The following PCDH15 variants were observed in gnomAD, a reference collection of about 807,000 sequenced individuals.
PCDH15 encodes protocadherin related 15.
Under a neutral mutation model 178.5 loss-of-function variants are expected in PCDH15, and 129 were observed. That is an observed-to-expected ratio of 0.72 (90% CI 0.63 to 0.84). The LOEUF is 0.84. Ranked by LOEUF, PCDH15 falls within the 40% of genes least tolerant of loss-of-function variation. The pLI, the probability that PCDH15 is intolerant of heterozygous loss-of-function variation, is 0.00. For missense variants in PCDH15, 2,230 were observed against 2,099.9 expected (o/e 1.06, Z -1.21); for synonymous variants, 800 against 732.0 (o/e 1.09, Z -1.50).
At chr10:53,825,616 A>AAGTT (rs953286378) in intron 32 of PCDH15, among the ~76,000 whole-genome samples, 1 of 151,592 alleles carries the variant, frequency 6.6e-6, no homozygotes, top group African/African-American at 2.4e-5. Context: ...CATTCATAGG[A>AAGTT]AGTTATCATA....
At chr10:55,299,010 T>C (rs1488669766) in intron 1 of PCDH15, among the ~76,000 whole-genome samples, 3 of 152,220 alleles carry the variant, frequency 2.0e-5, no homozygotes, top group Admixed American at 2.0e-4. Context: ...TGCAATGAGA[T>C]GGCTACTTAC....
At chr10:54,446,709 C>A (rs1386912987) in intron 3 of PCDH15, among the ~76,000 whole-genome samples, 1 of 151,310 alleles carries the variant, frequency 6.6e-6, no homozygotes, top group Non-Finnish European at 1.5e-5. Flanking sequence ...TGTAATTGGG[C>A]CCCTTGAGAT....
chr10:53,982,074 C>T (rs1373677584), intron 21 of PCDH15, among the ~76,000 whole-genome samples: 1 of 152,144 alleles, frequency 6.6e-6, no homozygotes, highest in Non-Finnish European at 1.5e-5. Flanking sequence ...AAAAAATGCT[C>T]ATCATCACTG....
rs2048223690 is a variant in PCDH15, at chr10:54,183,680, T to A, written c.1441-87A>T. On this transcript the variant is annotated intron_variant, in intron 12 of 37. Coordinates refer to ENST00000644397, the MANE Select transcript of PCDH15 (RefSeq NM_001384140.1). ...TGCTCTTACAGTTTAACAAGTTTCT[T>A]ACAGGTAATCTTACAATTTGAAAGG... 2.0e-6 allele frequency: 3 copies of A among 1,488,280 alleles called. No individual in the cohort carries two copies. The African/African-American group carries it at 4.1e-5, about 21-fold the overall frequency. The allele number at this position is 1,488,280 out of a possible 1,614,324, so 92.2% of individuals were successfully genotyped here. A position where few individuals can be genotyped will look rare whatever the true frequency, so the allele number is the denominator to read the frequency against.
chr10:54,988,510 G>C (rs1174938268), intron 2 of PCDH15, among the ~76,000 whole-genome samples: 1 of 152,172 alleles, frequency 6.6e-6, no homozygotes, highest in African/African-American at 2.4e-5. Context: ...CCCAGGCTGA[G>C]GTGGTCTCAG....
chr10:54,907,158 G>C (rs1395902105), intron 2 of PCDH15, among the ~76,000 whole-genome samples: 1 of 152,050 alleles, frequency 6.6e-6, no homozygotes, highest in African/African-American at 2.4e-5. Context: ...TAATTCAAAT[G>C]TATATATTTC....
chr10:54,917,656 C>A (rs1837375952), intron 2 of PCDH15, among the ~76,000 whole-genome samples: 1 of 152,074 alleles, frequency 6.6e-6, no homozygotes. Context: ...ACCAAGCCTG[C>A]CTCTAAAGAA....
intron 2 of PCDH15, among the ~76,000 whole-genome samples, chr10:54,559,939 T>C (rs1348615769): frequency 1.3e-5 from 2 of 151,784 alleles, no homozygotes; most frequent in Non-Finnish European, 2.9e-5. Flanking sequence ...GCAGTTTTGT[T>C]ACTCTACACA....
chr10:54,142,020 A>G (rs1390247225), intron 14 of PCDH15, among the ~76,000 whole-genome samples: 1 of 147,864 alleles, frequency 6.8e-6, no homozygotes, highest in African/African-American at 2.6e-5. Context: ...TCAATAATGG[A>G]AAAAAAAACA....
At chr10:54,721,902 C>T (rs764184737) in intron 1 of PCDH15, among the ~76,000 whole-genome samples, 4 of 151,714 alleles carry the variant, frequency 2.6e-5, no homozygotes, top group African/African-American at 7.2e-5. Context: ...CAAAATCGAG[C>T]GAGGCGACAA....
At chr10:54,689,010 C>G (rs1021829239) in intron 1 of PCDH15, among the ~76,000 whole-genome samples, 8 of 151,978 alleles carry the variant, frequency 5.3e-5, no homozygotes, top group Admixed American at 1.3e-4. Context: ...AATTCCAATG[C>G]TCAAAAAGTA....
chr10:53,863,469 T>C (rs11003889), intron 27 of PCDH15, among the ~76,000 whole-genome samples: 28,344 of 151,984 alleles, frequency 0.19, 3,093 homozygotes, highest in Non-Finnish European at 0.26. Flanking sequence ...ATGGAAGTCA[T>C]TGGTAGCATC....
intron 1 of PCDH15, among the ~76,000 whole-genome samples, chr10:54,798,065 T>C (rs1339592835): frequency 6.6e-6 from 1 of 152,064 alleles, no homozygotes; most frequent in Non-Finnish European, 1.5e-5. Flanking sequence ...CATTTCAACC[T>C]AAGTGCTTCC....
At chr10:55,423,073 G>A (rs1416792943) in intron 2 of PCDH15, among the ~76,000 whole-genome samples, 1 of 151,680 alleles carries the variant, frequency 6.6e-6, no homozygotes, top group Non-Finnish European at 1.5e-5. Flanking sequence ...GCAGCAACCT[G>A]GACTTACTCA....
chr10:55,494,972 A>T (rs1345902932), intron 2 of PCDH15, among the ~76,000 whole-genome samples: 1 of 151,796 alleles, frequency 6.6e-6, no homozygotes, highest in Non-Finnish European at 1.5e-5. Flanking sequence ...AAGCCTTAGT[A>T]TTTATGGTAA....
intron 2 of PCDH15, among the ~76,000 whole-genome samples, chr10:55,467,798 T>G (rs1839863725): frequency 6.6e-6 from 1 of 151,086 alleles, no homozygotes; most frequent in South Asian, 2.1e-4. Context: ...ACCCCGTCTC[T>G]ACTAAAAATA....
chr10:54,346,358 T>C lies in PCDH15; in HGVS notation c.594+7A>G. ...GAAAATTACATTGCAAATAGGTATTTACATACCGGATCATCTGGATTATAC... is the reference window on the plus strand; with the variant it reads ...GAAAATTACATTGCAAATAGGTATTCACATACCGGATCATCTGGATTATAC... On this transcript the variant is annotated splice_region_variant and intron_variant, in intron 6 of 37. Coordinates refer to ENST00000644397, the MANE Select transcript of PCDH15 (RefSeq NM_001384140.1). 6.2e-7 allele frequency: 1 copy of C among 1,612,520 alleles called. No homozygotes were observed. Among genetic ancestry groups the C allele is most frequent in the Non-Finnish European group, 8.5e-7 (1 of 1,178,842 alleles).
At chr10:54,770,615 C>T (rs990078020) in intron 1 of PCDH15, among the ~76,000 whole-genome samples, 9 of 151,958 alleles carry the variant, frequency 5.9e-5, no homozygotes, top group Non-Finnish European at 1.2e-4. Context: ...AAGAGTACTC[C>T]AATTTTTGAA....
In PCDH15 at chr10:55,611,008, G is replaced by A. The variant is rs1036323360; in HGVS notation, c.-156+16617C>T. Among the ~76,000 whole-genome samples the A allele has an allele frequency of 9.9e-5, 15 of 152,236 alleles. No homozygotes were observed. The East Asian group carries it at 2.9e-3, about 29-fold the overall frequency. On this transcript the variant is annotated intron_variant, in intron 2 of 5. Transcript: ENST00000613346. ...GAATAAAAGAATCTCAGTGTTGTAA[G>A]AAATATTTGAGATCATTTCAGTTAG... is the stretch of plus-strand genomic sequence containing the variant.
Sources: gnomAD v4.1 joint callset for allele counts (sites outside exome capture counted in the v4.1 genomes callset) on GRCh38, gnomAD v4.1.1 for gene constraint, MANE v1.5 for transcripts, NCBI Gene and HGNC (gene_info 2026-07-23, HGNC 2026-07-21) for gene names.